Variants in ERC2 observed in about 807,000 individuals in gnomAD.
ERC2 encodes ELKS/RAB6-interacting/CAST family member 2, also known as ERC protein 2.
In ERC2, 42 loss-of-function variants were observed where a neutral mutation model predicts 114.8. The ratio of observed to expected loss-of-function variants is 0.37; its 90% CI spans 0.29 to 0.47. The LOEUF (loss-of-function observed/expected upper bound fraction) is 0.47. ERC2 is among the 20% of genes least tolerant of loss of function. The probability of loss-of-function intolerance (pLI) is 0.99; values close to 1 mark genes in which losing one functional copy is unlikely to be tolerated. For synonymous variants in ERC2, 454 were observed against 425.5 expected, an observed-to-expected ratio of 1.07 and a Z score of -0.82; for missense variants, 939 against 1,150.7, an observed-to-expected ratio of 0.82 and a Z score of 2.66.
intron 15 of ERC2, among the ~76,000 whole-genome samples, chr3:55,714,849 T>TA (rs11355461): frequency 3.8e-4 from 55 of 145,348 alleles, no homozygotes; most frequent in African/African-American, 6.8e-4. Flanking sequence ...AATAAAACAA[T>TA]AAAAAAAAAA....
intron 14 of ERC2, among the ~76,000 whole-genome samples, chr3:55,798,675 C>A (rs545932864): frequency 1.3e-5 from 2 of 151,206 alleles, no homozygotes; most frequent in Non-Finnish European, 2.9e-5. Flanking sequence ...AAGTTTTCCA[C>A]AGCAACAGTG....
chr3:55,858,929 C>A (rs2061904100), intron 14 of ERC2, among the ~76,000 whole-genome samples: 2 of 152,160 alleles, frequency 1.3e-5, no homozygotes, highest in Admixed American at 6.5e-5. Flanking sequence ...CTGCCCAGCA[C>A]CAGATGTCCT....
chr3:56,096,434 G>A (rs140551444), intron 6 of ERC2, among the ~76,000 whole-genome samples: 302 of 152,212 alleles, frequency 2.0e-3, no homozygotes, highest in African/African-American at 6.7e-3. Flanking sequence ...AAGACATCAC[G>A]CTCAGAAGGA....
chr3:55,724,326 GT>G (rs1156373286), intron 15 of ERC2, among the ~76,000 whole-genome samples: 10 of 152,208 alleles, frequency 6.6e-5, no homozygotes, highest in African/African-American at 2.4e-4. Flanking sequence ...GGGGTGGGGA[GT>G]GGTTGCTCAG....
rs561478455 is a variant in ERC2 at position 56,040,058 on chromosome 3, A to T, written c.1642-21027T>A. Reference sequence around the variant, plus strand: ...AAAACTGCCCAAAGAAAACATAAGGAAAAAGCTTTTTGACATTGATCTGGC... The same window carrying T: ...AAAACTGCCCAAAGAAAACATAAGGTAAAAGCTTTTTGACATTGATCTGGC... On this transcript the variant is annotated intron_variant, in intron 7 of 17. Transcript: ENST00000288221. Among the ~76,000 whole-genome samples the T allele has an allele frequency of 5.3e-5, 8 of 152,318 alleles. 1 individual carries two copies. In the South Asian group the frequency reaches 1.7e-3, roughly 32 times the overall value.
At chr3:55,926,347 G>A (rs2065745504) in intron 13 of ERC2, among the ~76,000 whole-genome samples, 1 of 150,664 alleles carries the variant, frequency 6.6e-6, no homozygotes, top group South Asian at 2.1e-4. Context: ...TTCAAACCAA[G>A]ACCTAGCATG....
chr3:56,296,486 A>C (rs2055444549), intron 2 of ERC2, 51 bp from the exon 3 acceptor site: 1 of 1,539,014 alleles, frequency 6.5e-7, no homozygotes, highest in Non-Finnish European at 8.8e-7. Flanking sequence ...AAAAAAGTCA[A>C]TGAAAATGTC....
intron 14 of ERC2, among the ~76,000 whole-genome samples, chr3:55,794,746 C>T (rs1215097135): frequency 1.3e-5 from 2 of 152,142 alleles, no homozygotes; most frequent in East Asian, 1.9e-4. Flanking sequence ...CAAAATAATA[C>T]ATCCTTATTT....
intron 14 of ERC2, among the ~76,000 whole-genome samples, chr3:55,751,796 T>C (rs566922103): frequency 4.8e-4 from 73 of 152,310 alleles, no homozygotes; most frequent in South Asian, 1.7e-3. Flanking sequence ...CAGAAGGCAA[T>C]GTCGAGAAAA....
chr3:56,149,894 T>C (rs1342888375), intron 4 of ERC2, among the ~76,000 whole-genome samples: 1 of 152,080 alleles, frequency 6.6e-6, no homozygotes, highest in Non-Finnish European at 1.5e-5. Flanking sequence ...ACAGACTCTA[T>C]ACACAAGGTA....
At chr3:56,147,197 T>C (rs1192542797) in intron 5 of ERC2, among the ~76,000 whole-genome samples, 1 of 152,256 alleles carries the variant, frequency 6.6e-6, no homozygotes, top group Admixed American at 6.5e-5. Flanking sequence ...GGGCACTGTC[T>C]GCAGGTCACC....
intron 3 of ERC2, among the ~76,000 whole-genome samples, chr3:56,295,049 G>T (rs576838188): frequency 1.3e-5 from 2 of 152,204 alleles, no homozygotes; most frequent in Non-Finnish European, 2.9e-5. Context: ...CAACATGGAA[G>T]CCATGTCTTC....
At chr3:55,592,762 T>C (rs1045411927) in intron 17 of ERC2, among the ~76,000 whole-genome samples, 6 of 152,166 alleles carry the variant, frequency 3.9e-5, no homozygotes, top group Non-Finnish European at 5.9e-5. Context: ...CGTAGTTAAA[T>C]CACAGCAGCT....
At chr3:55,914,634 C>G (rs1212663358) in intron 13 of ERC2, among the ~76,000 whole-genome samples, 1 of 152,178 alleles carries the variant, frequency 6.6e-6, no homozygotes, top group African/African-American at 2.4e-5. Flanking sequence ...TGCAAGTGAC[C>G]TACTGGCTAA....
intron 12 of ERC2, among the ~76,000 whole-genome samples, chr3:55,958,933 C>T (rs1329640827): frequency 6.6e-6 from 1 of 152,166 alleles, no homozygotes; most frequent in African/African-American, 2.4e-5. Context: ...CATGGAGCTT[C>T]TGCTGTGCCA....
chr3:56,238,047 G>A (rs1177871381), intron 3 of ERC2, among the ~76,000 whole-genome samples: 1 of 152,144 alleles, frequency 6.6e-6, no homozygotes, highest in East Asian at 1.9e-4. Flanking sequence ...TTAGACCTAG[G>A]CCAGAGGGAC....
intron 4 of ERC2, among the ~76,000 whole-genome samples, chr3:56,152,708 C>T (rs181819465): frequency 4.6e-5 from 7 of 152,150 alleles, no homozygotes; most frequent in Non-Finnish European, 8.8e-5. Flanking sequence ...ACAATGTTTG[C>T]TTCAGTTAGG....
chr3:55,516,508 A>C (rs1030461578), intron 17 of ERC2, among the ~76,000 whole-genome samples: 3 of 151,918 alleles, frequency 2.0e-5, no homozygotes, highest in African/African-American at 7.3e-5. Context: ...CGGGGCAATA[A>C]AATGTAACAC....
At chr3:56,390,815 G>A (rs1178694213) in intron 2 of ERC2, among the ~76,000 whole-genome samples, 1 of 152,094 alleles carries the variant, frequency 6.6e-6, no homozygotes, top group Non-Finnish European at 1.5e-5. Flanking sequence ...GCTTTGAGCT[G>A]AGGTCACATC....
Sources: gnomAD v4.1 joint callset for allele counts (sites outside exome capture counted in the v4.1 genomes callset) on GRCh38, gnomAD v4.1.1 for gene constraint, MANE v1.5 for transcripts, NCBI Gene and HGNC (gene_info 2026-07-23, HGNC 2026-07-21) for gene names.